ATP11A: variants seen among roughly 807,000 people sequenced by gnomAD.
ATP11A encodes the protein ATPase phospholipid transporting 11A.
Under a neutral mutation model 154.4 loss-of-function variants are expected in ATP11A, and 81 were observed. The observed-to-expected ratio is 0.52, with a 90% CI of 0.44 to 0.63. The LOEUF (loss-of-function observed/expected upper bound fraction) is 0.63, where lower values mean the gene tolerates loss of function less well. Ranked by LOEUF, ATP11A falls within the 30% of genes least tolerant of loss-of-function variation. ATP11A has a pLI of 0.00. For missense variants in ATP11A, 1,316 were observed against 1,474.3 expected, an observed-to-expected ratio of 0.89 and a Z score of 1.76; for synonymous variants, 623 against 585.9, an observed-to-expected ratio of 1.06 and a Z score of -0.91.
chr13:112,805,642 C>T (rs111525956), intron 3 of ATP11A, among the ~76,000 whole-genome samples: 10,002 of 144,744 alleles, frequency 0.069, 559 homozygotes, highest in African/African-American at 0.15. Context: ...TGCCACTACA[C>T]TCCAGCCTGG....
intron 1 of ATP11A, among the ~76,000 whole-genome samples, chr13:112,749,721 G>A (rs2076647830): frequency 6.7e-6 from 1 of 148,986 alleles, no homozygotes; most frequent in African/African-American, 2.5e-5. Flanking sequence ...ATCCCCTTCA[G>A]CCTCTCGTGA....
At chr13:112,842,418 T>A (rs1424647436) in intron 17 of ATP11A, 39 bp downstream of exon 17, 1 of 1,405,322 alleles carries the variant, frequency 7.1e-7, no homozygotes, top group South Asian at 1.2e-5. Flanking sequence ...GGCGGTCAGC[T>A]CCCCTGCTGT....
rs527300635 is a variant in ATP11A, at chr13:112,879,575, G to A, written c.*9+1272G>A. Among the ~76,000 whole-genome samples, 9 of 152,350 alleles carry A rather than the reference G, an allele frequency of 5.9e-5. No individual in the cohort carries two copies. In the South Asian group the frequency reaches 1.5e-3, roughly 25 times the overall value. On this transcript the variant is annotated intron_variant, in intron 29 of 29. Coordinates refer to ENST00000375645, the MANE Select transcript of ATP11A (RefSeq NM_015205.3). Reference sequence around the variant, plus strand: ...CTGAGCATGTACGGAAGCTGAGCCCGGCTGCGTAGAGACAGTGGCACGGAG... The same window carrying A: ...CTGAGCATGTACGGAAGCTGAGCCCAGCTGCGTAGAGACAGTGGCACGGAG...
Position 112,690,473 on chromosome 13 carries a change from G to C in ATP11A, c.39+18G>C. 1.5e-6 allele frequency: 2 copies of C among 1,339,574 alleles called. No homozygotes were observed. Among genetic ancestry groups the C allele is most frequent in the Admixed American group, 6.4e-5 (2 of 31,416 alleles). 83.0% of individuals were successfully genotyped at this position (1,339,574 alleles called of 1,614,324 possible). A position where few individuals can be genotyped will look rare whatever the true frequency, so the allele number is the denominator to read the frequency against. ...ACAGATACGTGAGTGCTCCCGGCGC[G>C]GGCTGGGGGACCCGGGGACCAGACA... On this transcript the variant is annotated intron_variant, in intron 1 of 29. Transcript: ENST00000375645. This position sits in a 1 kb window ranked among gnomAD's most constrained non-coding sequence, Gnocchi z 5.6.
intron 16 of ATP11A, among the ~76,000 whole-genome samples, chr13:112,837,856 C>CT (rs1204537044): frequency 6.6e-6 from 1 of 152,090 alleles, no homozygotes; most frequent in East Asian, 1.9e-4. Flanking sequence ...CAGTGTGACT[C>CT]TCGGTGACGC....
chr13:112,860,197 A>T, intron 23 of ATP11A, 90 bp from the exon 24 acceptor site: 1 of 1,458,012 alleles, frequency 6.9e-7, no homozygotes. Context: ...CTTTCTATGC[A>T]TTTCAGAAAG....
intron 2 of ATP11A, among the ~76,000 whole-genome samples, chr13:112,789,647 C>A (rs1014773813): frequency 1.8e-4 from 27 of 150,454 alleles, no homozygotes; most frequent in Admixed American, 1.5e-3. Flanking sequence ...GACATGTAGA[C>A]CCCTGTGGAG....
intron 4 of ATP11A, among the ~76,000 whole-genome samples, chr13:112,808,713 C>T (rs978133504): frequency 6.6e-6 from 1 of 152,180 alleles, no homozygotes; most frequent in African/African-American, 2.4e-5. Flanking sequence ...ACACCATCTC[C>T]CCGCTGTCTC....
At position 112,883,106 on chromosome 13, in the gene ATP11A, C is replaced by T. The variant is rs2080921385; in HGVS notation, c.*1240C>T. On this transcript the variant is annotated 3_prime_UTR_variant, in exon 30 of 30. Coordinates refer to ENST00000375645, the MANE Select transcript of ATP11A (RefSeq NM_015205.3). ...GTCCCCTTGTCCTGTCACCTCGTCC[C>T]CACGTCCCCTCGTCTCCTCATCCCC... 1 of 257,914 alleles carries T rather than the reference C, an allele frequency of 3.9e-6. No homozygotes were observed. The allele number at this position is 257,914 out of a possible 1,614,324, so 16.0% of individuals were successfully genotyped here.
At chr13:112,772,427 A>T (rs1366119650) in intron 1 of ATP11A, among the ~76,000 whole-genome samples, 1 of 152,212 alleles carries the variant, frequency 6.6e-6, no homozygotes, top group Non-Finnish European at 1.5e-5. Flanking sequence ...TTGAAATATA[A>T]CTTACATATC....
chr13:112,779,717 T>C (rs1004794903), intron 1 of ATP11A, among the ~76,000 whole-genome samples: 1 of 151,800 alleles, frequency 6.6e-6, no homozygotes, highest in Non-Finnish European at 1.5e-5. Flanking sequence ...AGTTCGAGGC[T>C]AGCCTGGCCA....
rs201066123 is a variant in ATP11A, at chr13:112,816,181, C to A, written c.540C>A (p.Thr180=). 2 of 1,614,038 alleles carry A rather than the reference C, an allele frequency of 1.2e-6. No homozygotes were observed. Among genetic ancestry groups the A allele is most frequent in the Non-Finnish European group, 1.7e-6 (2 of 1,180,056 alleles). The change falls in exon 6 of 30, where the codon ACC becomes ACA. Residue 180 remains threonine, a synonymous_variant. Transcript: ENST00000375645. ...NRGDGTCHVT[T]ASLDGESSHK... ...GAGATGGGACGTGCCACGTCACCAC[C>A]GCCAGCTTGGATGGAGAATCCAGCC...
chr13:112,776,348 G>A (rs2077348768), intron 1 of ATP11A, among the ~76,000 whole-genome samples: 3 of 152,092 alleles, frequency 2.0e-5, no homozygotes, highest in South Asian at 2.1e-4. Context: ...TGCCTGCTCC[G>A]TCCTCTCCCT....
chr13:112,699,955 C>T (rs547073677), intron 1 of ATP11A, among the ~76,000 whole-genome samples: 34 of 151,852 alleles, frequency 2.2e-4, no homozygotes, highest in Middle Eastern at 3.4e-3. Context: ...ACTTTTCGTA[C>T]GCTTTTCAAT....
At chr13:112,769,026 T>C (rs1007888250) in intron 1 of ATP11A, among the ~76,000 whole-genome samples, 7 of 152,102 alleles carry the variant, frequency 4.6e-5, no homozygotes, top group African/African-American at 1.7e-4. Context: ...TGGTTATGTC[T>C]GTGATTGATG....
chr13:112,872,769 G>A (rs956452210), intron 26 of ATP11A, among the ~76,000 whole-genome samples: 1 of 151,894 alleles, frequency 6.6e-6, no homozygotes, highest in Non-Finnish European at 1.5e-5. Flanking sequence ...ACCCAGGGCT[G>A]TGGCGTCCCC....
At chr13:112,776,897 G>A (rs985307000) in intron 1 of ATP11A, among the ~76,000 whole-genome samples, 11 of 152,100 alleles carry the variant, frequency 7.2e-5, no homozygotes, top group Admixed American at 4.6e-4. Flanking sequence ...GCGACCAGCC[G>A]AGATGACCTG....
At chr13:112,789,803 C>A (rs1279077948) in intron 2 of ATP11A, among the ~76,000 whole-genome samples, 5 of 146,752 alleles carry the variant, frequency 3.4e-5, no homozygotes, top group Non-Finnish European at 6.0e-5. Context: ...CCTGTGGAGA[C>A]CTACTTAATT....
At position 112,859,377 on chromosome 13, in the gene ATP11A, A is replaced by C. The variant is rs2140354907; in HGVS notation, c.2668-16A>C. The C allele has an allele frequency of 6.2e-7, 1 of 1,613,118 alleles. No homozygotes were observed. The highest frequency in any genetic ancestry group is 8.5e-7 in the Non-Finnish European group (1 of 1,179,080). ...CTGTCCCGTCACCGAACTAACAGTT[A>C]TGCCTTGCCTTTCAGAACGTCTGCT... On this transcript the variant is annotated splice_polypyrimidine_tract_variant and intron_variant, in intron 22 of 29. Coordinates refer to ENST00000375645, the MANE Select transcript of ATP11A (RefSeq NM_015205.3). The surrounding 1 kb of genome is among the most constrained non-coding windows in gnomAD (Gnocchi z 4.3).
Sources: allele counts gnomAD v4.1 joint callset (sites outside exome capture counted in the v4.1 genomes callset), GRCh38; gene constraint gnomAD v4.1.1; non-coding constraint Gnocchi (gnomAD v3.1); transcripts MANE v1.5; gene names NCBI Gene and HGNC (gene_info 2026-07-23, HGNC 2026-07-21).